CADM2: variants seen among roughly 807,000 people sequenced by gnomAD.
The protein encoded by CADM2 is immunoglobulin superfamily member 4D.
A neutral mutation model predicts 49.8 loss-of-function variants in CADM2; 12 were observed. The ratio of observed to expected loss-of-function variants is 0.24; its 90% CI spans 0.15 to 0.39. The LOEUF is 0.39. Ranked by LOEUF, CADM2 falls within the 10% of genes least tolerant of loss-of-function variation. CADM2 has a pLI of 1.00. For missense variants in CADM2, 378 were observed against 492.3 expected (o/e 0.77, Z 2.20); for synonymous variants, 214 against 175.4 (o/e 1.22, Z -1.74).
intron 1 of CADM2, among the ~76,000 whole-genome samples, chr3:85,705,405 G>A (rs2066913127): frequency 6.6e-6 from 1 of 152,110 alleles, no homozygotes; most frequent in African/African-American, 2.4e-5. Flanking sequence ...GGCATACCTT[G>A]TTCAAGTTCA....
intron 1 of CADM2, among the ~76,000 whole-genome samples, chr3:85,127,876 T>A (rs1201078134): frequency 1.3e-5 from 2 of 152,156 alleles, no homozygotes; most frequent in Non-Finnish European, 2.9e-5. Context: ...ATAAATGTGA[T>A]CAAATACAAT....
intron 7 of CADM2, among the ~76,000 whole-genome samples, chr3:85,955,473 A>G (rs1334143998): frequency 6.6e-6 from 1 of 151,442 alleles, no homozygotes; most frequent in East Asian, 2.0e-4. Context: ...TCCTGTTAGG[A>G]AGCAAGAACC....
chr3:85,641,504 A>AT (rs1237990255), intron 1 of CADM2, among the ~76,000 whole-genome samples: 3 of 152,138 alleles, frequency 2.0e-5, no homozygotes, highest in Admixed American at 6.5e-5. Flanking sequence ...TTGATAGGTT[A>AT]TTTTTTCCCA....
rs1315728219 is a variant in CADM2, at chr3:85,350,391, G to A, written c.62-376131G>A. On this transcript the variant is annotated intron_variant, in intron 1 of 9. Coordinates refer to ENST00000383699, the MANE Select transcript of CADM2 (RefSeq NM_001167675.2). ...TTTGTACCATGATTTATTTTGACAT[G>A]ATTGCCATTTTGCTGTGCATTTTGA... Among the ~76,000 whole-genome samples the A allele has an allele frequency of 2.0e-5, 3 of 152,156 alleles. No homozygotes were observed. In the East Asian group the frequency reaches 5.8e-4, roughly 29 times the overall value.
intron 8 of CADM2, among the ~76,000 whole-genome samples, chr3:85,999,385 G>A (rs1302599887): frequency 6.6e-6 from 1 of 151,832 alleles, no homozygotes; most frequent in Non-Finnish European, 1.5e-5. Context: ...TGCACCTGTA[G>A]CCCCAGCTAC....
chr3:86,030,201 T>C (rs1734393439), intron 8 of CADM2, among the ~76,000 whole-genome samples: 1 of 152,002 alleles, frequency 6.6e-6, no homozygotes, highest in Non-Finnish European at 1.5e-5. Flanking sequence ...CATATTGTAA[T>C]GAAATCTAGA....
chr3:85,745,739 C>A (rs1403338256), intron 2 of CADM2, among the ~76,000 whole-genome samples: 1 of 152,108 alleles, frequency 6.6e-6, no homozygotes, highest in Non-Finnish European at 1.5e-5. Flanking sequence ...GTGGTGCATG[C>A]CTGTAGTCCC....
intron 8 of CADM2, among the ~76,000 whole-genome samples, chr3:85,962,584 G>A (rs759791689): frequency 6.6e-6 from 1 of 151,826 alleles, no homozygotes; most frequent in Non-Finnish European, 1.5e-5. Flanking sequence ...TTTTTCATAA[G>A]GTAGCTTCTT....
At chr3:85,650,531 G>C (rs2065015308) in intron 1 of CADM2, among the ~76,000 whole-genome samples, 1 of 149,060 alleles carries the variant, frequency 6.7e-6, no homozygotes, top group Non-Finnish European at 1.5e-5. Context: ...CCTCCAAAGA[G>C]AAATGCCAAA....
chr3:85,578,556 A>G (rs1296619404), intron 1 of CADM2, among the ~76,000 whole-genome samples: 4 of 152,236 alleles, frequency 2.6e-5, no homozygotes, highest in East Asian at 1.9e-4. Flanking sequence ...ATGCAGGTCA[A>G]GCACTTGAAA....
intron 3 of CADM2, among the ~76,000 whole-genome samples, chr3:85,847,443 A>C (rs2074930677): frequency 6.6e-6 from 1 of 152,200 alleles, no homozygotes; most frequent in African/African-American, 2.4e-5. Flanking sequence ...CGGCATCAGA[A>C]TTGAAGCTTT....
At position 85,215,370 on chromosome 3, in the gene CADM2, A is replaced by G. The variant is rs1045489721; in HGVS notation, c.61+255702A>G. On this transcript the variant is annotated intron_variant, in intron 1 of 9. Transcript: ENST00000383699. ...GTTCTCTCTTTTTTAAAAAAAAAAA[A>G]AAAAAAAAAAAAGAAAAAAACTTTT... Among the ~76,000 whole-genome samples, 178 of 151,146 alleles carry G rather than the reference A, an allele frequency of 1.2e-3. 3 individuals are homozygous for G. Among genetic ancestry groups the G allele is most frequent in the Non-Finnish European group, 1.7e-3 (112 of 67,804 alleles).
Position 85,820,998 on chromosome 3 carries a change from C to T in CADM2, c.238+18802C>T, listed in dbSNP as rs6780123. 2.6e-3 allele frequency among the ~76,000 whole-genome samples: 400 copies of T among 152,270 alleles called. 1 individual carries two copies. Among genetic ancestry groups the T allele is most frequent in the African/African-American group, 9.3e-3 (385 of 41,566 alleles). ...CTTCTGAAAAGCAGCGATAAAACTA[C>T]GTTGGCTATTGTTTGTCCTGCAGTT... On this transcript the variant is annotated intron_variant, in intron 3 of 9. Transcript: ENST00000383699.
intron 1 of CADM2, among the ~76,000 whole-genome samples, chr3:85,368,045 T>A (rs865861842): frequency 1.3e-5 from 2 of 152,234 alleles, no homozygotes; most frequent in African/African-American, 4.8e-5. Context: ...ACTAATTTAT[T>A]ACACACAAAA....
intron 1 of CADM2, among the ~76,000 whole-genome samples, chr3:85,390,668 T>C (rs1019259267): frequency 2.6e-5 from 4 of 152,072 alleles, no homozygotes; most frequent in African/African-American, 9.7e-5. Flanking sequence ...CAAATCTTCA[T>C]CCTGAAAAGT....
chr3:85,180,112 A>C (rs918953533), intron 1 of CADM2, among the ~76,000 whole-genome samples: 2 of 152,146 alleles, frequency 1.3e-5, no homozygotes, highest in Admixed American at 1.3e-4. Context: ...AATAAAATAA[A>C]TAAGTAAAAT....
At chr3:85,078,996 G>A (rs2037058361) in intron 1 of CADM2, among the ~76,000 whole-genome samples, 1 of 151,632 alleles carries the variant, frequency 6.6e-6, no homozygotes, top group Non-Finnish European at 1.5e-5. Context: ...TCATTTTACT[G>A]CAATACATTT....
intron 1 of CADM2, among the ~76,000 whole-genome samples, chr3:85,449,613 C>G (rs2037659457): frequency 6.6e-6 from 1 of 150,962 alleles, no homozygotes; most frequent in Non-Finnish European, 1.5e-5. Flanking sequence ...AGTACTAAAA[C>G]AAGCTCCTTA....
chr3:85,398,714 G>A lies in CADM2; in HGVS notation c.62-327808G>A, dbSNP rs570511177. Among the ~76,000 whole-genome samples the A allele has an allele frequency of 5.9e-5, 9 of 152,266 alleles. No homozygotes were observed. In the East Asian group the frequency reaches 1.7e-3, roughly 29 times the overall value. ...ATCGCCATTGTAACTGGTGTGAGAT[G>A]GCATCTAATTGTGGTTTTGATTTGC... On this transcript the variant is annotated intron_variant, in intron 1 of 9. Transcript: ENST00000383699.
Sources: gnomAD v4.1 joint callset for allele counts (sites outside exome capture counted in the v4.1 genomes callset) on GRCh38, gnomAD v4.1.1 for gene constraint, MANE v1.5 for transcripts, NCBI Gene and HGNC (gene_info 2026-07-23, HGNC 2026-07-21) for gene names.